Variants in LSM14A observed in about 807,000 individuals in gnomAD.
LSM14A encodes LSM14A mRNA processing body assembly factor.
LSM14A carries 14 observed loss-of-function variants against 52.4 expected under a neutral mutation model. The ratio of observed to expected loss-of-function variants is 0.27; its 90% CI spans 0.18 to 0.42. The LOEUF (loss-of-function observed/expected upper bound fraction) is 0.42, where lower values mean the gene tolerates loss of function less well. LSM14A is among the 10% of genes least tolerant of loss of function. The pLI is 1.00. For missense variants in LSM14A, 417 were observed against 581.8 expected, an observed-to-expected ratio of 0.72 and a Z score of 2.91; for synonymous variants, 185 against 200.3, an observed-to-expected ratio of 0.92 and a Z score of 0.64.
chr19:34,205,166 A>G (rs1017139117), intron 3 of LSM14A, among the ~76,000 whole-genome samples: 7 of 151,840 alleles, frequency 4.6e-5, no homozygotes, highest in African/African-American at 1.7e-4. Context: ...AATTTTTAAA[A>G]TCAGTGCTTT....
At chr19:34,197,981 A>G (rs908745265) in intron 3 of LSM14A, among the ~76,000 whole-genome samples, 1 of 151,744 alleles carries the variant, frequency 6.6e-6, no homozygotes, top group Non-Finnish European at 1.5e-5. Flanking sequence ...TTTTATAGCT[A>G]TGCATTTTAG....
In LSM14A at chr19:34,215,673, G is replaced by A; in HGVS notation, c.781+12G>A. On this transcript the variant is annotated intron_variant, in intron 6 of 9. Transcript: ENST00000544216. ...CAAGAGACAAGTAGGTAAGTTCTTG[G>A]ATCTAAAAGTCATATTCTATGCTTC... 1 of 1,576,134 alleles carries A rather than the reference G, an allele frequency of 6.3e-7. No individual in the cohort carries two copies. Among genetic ancestry groups the A allele is most frequent in the Non-Finnish European group, 8.7e-7 (1 of 1,146,308 alleles).
chr19:34,174,937 T>C (rs1485293675), intron 1 of LSM14A, among the ~76,000 whole-genome samples: 1 of 152,228 alleles, frequency 6.6e-6, no homozygotes, highest in Non-Finnish European at 1.5e-5. Context: ...TAAAGTATTT[T>C]TGTTCTTTTT....
At chr19:34,192,310 C>CT (rs1568479681) in intron 1 of LSM14A, among the ~76,000 whole-genome samples, 4 of 51,648 alleles carry the variant, frequency 7.7e-5, no homozygotes, top group South Asian at 4.8e-4. Context: ...AAATAACATT[C>CT]TTTTTGTTGT....
intron 9 of LSM14A, among the ~76,000 whole-genome samples, chr19:34,226,769 T>G (rs670286): frequency 0.63 from 96,361 of 151,924 alleles, 31,732 homozygotes; most frequent in African/African-American, 0.77. Flanking sequence ...GGTCAGTCTC[T>G]CTGGAAATCT....
intron 1 of LSM14A, among the ~76,000 whole-genome samples, chr19:34,175,335 A>G (rs1259418709): frequency 2.0e-5 from 3 of 151,908 alleles, no homozygotes; most frequent in African/African-American, 7.3e-5. Flanking sequence ...AGTTCAAGCA[A>G]TTCTCCTGCC....
intron 6 of LSM14A, among the ~76,000 whole-genome samples, chr19:34,216,109 T>G (rs984648345): frequency 2.6e-5 from 4 of 152,170 alleles, no homozygotes; most frequent in African/African-American, 9.7e-5. Flanking sequence ...AATAAAAAGA[T>G]TTTTTAAAAT....
At chr19:34,189,516 T>A (rs542633215) in intron 1 of LSM14A, among the ~76,000 whole-genome samples, 1 of 152,274 alleles carries the variant, frequency 6.6e-6, no homozygotes, top group Non-Finnish European at 1.5e-5. Context: ...AGCTTAAAAC[T>A]CCAGTCACAT....
intron 1 of LSM14A, among the ~76,000 whole-genome samples, chr19:34,182,664 C>G (rs531616374): frequency 2.2e-5 from 3 of 139,182 alleles, no homozygotes; most frequent in Non-Finnish European, 3.1e-5. Flanking sequence ...GGTGAAACCC[C>G]GTCTCTACTA....
rs568355696 is a variant in LSM14A at position 34,206,271 on chromosome 19, T to C, written c.416-2658T>C. On this transcript the variant is annotated intron_variant, in intron 3 of 9. Coordinates refer to ENST00000544216, the MANE Select transcript of LSM14A (RefSeq NM_015578.4). ...CTGTAGTCCCAGTAACTCAGGAGGC[T>C]GATGCAGAAGGATCTCTTGAGCCCA... Among the ~76,000 whole-genome samples the C allele has an allele frequency of 2.6e-5, 4 of 152,290 alleles. No individual in the cohort carries two copies. In the South Asian group the frequency reaches 8.3e-4, roughly 32 times the overall value.
At chr19:34,210,039 A>G (rs910075128) in intron 4 of LSM14A, among the ~76,000 whole-genome samples, 20 of 151,740 alleles carry the variant, frequency 1.3e-4, no homozygotes, top group African/African-American at 4.6e-4. Flanking sequence ...ATTTTTATGC[A>G]CTTTAGAAAT....
rs555931886 is a variant in LSM14A at position 34,196,651 on chromosome 19, G to A, written c.303G>A (p.Ser101=). ...PAIVQSSLGS[S]TSSFQSMGSY... ...TCCTTCAGTCCTCACTAGGCTCATC[G>A]ACTTCTTCATTCCAGTCCATGGGTT... is the stretch of plus-strand genomic sequence containing the variant. The change falls in exon 3 of 10, where the codon TCG becomes TCA. Residue 101 remains serine (S), a synonymous_variant. Coordinates refer to ENST00000544216, the MANE Select transcript of LSM14A (RefSeq NM_015578.4). 1.2e-5 allele frequency: 20 copies of A among 1,610,854 alleles called. No individual in the cohort carries two copies. Among genetic ancestry groups the A allele is most frequent in the Admixed American group, 1.2e-4 (7 of 59,374 alleles).
At chr19:34,192,217 A>G (rs145392347) in intron 1 of LSM14A, among the ~76,000 whole-genome samples, 2 of 150,950 alleles carry the variant, frequency 1.3e-5, no homozygotes, top group Non-Finnish European at 3.0e-5. Flanking sequence ...CTGCCAAACT[A>G]CCTGTGCCAC....
intron 6 of LSM14A, among the ~76,000 whole-genome samples, chr19:34,217,515 G>T (rs980953623): frequency 6.9e-6 from 1 of 144,630 alleles, no homozygotes; most frequent in Non-Finnish European, 1.5e-5. Flanking sequence ...ATTGAAAAAT[G>T]ATCTTTCACT....
chr19:34,182,863 A>C (rs2069594502), intron 1 of LSM14A, among the ~76,000 whole-genome samples: 1 of 146,084 alleles, frequency 6.8e-6, no homozygotes. Context: ...AAAAGAGTCA[A>C]CTCTCTTTAA....
chr19:34,212,119 G>T (rs1039043601), intron 4 of LSM14A, among the ~76,000 whole-genome samples: 1 of 152,066 alleles, frequency 6.6e-6, no homozygotes. Context: ...AGTTCAAGAT[G>T]GAAGCCAGGG....
Position 34,209,042 on chromosome 19 carries a change from T to C in LSM14A, c.529T>C (p.Leu177=). The change falls in exon 4 of 10, where the codon TTA becomes CTA. Residue 177 remains leucine, a synonymous_variant. Transcript: ENST00000544216. ...GGATACAAGATCTCTAAAAACACAGTTATCTCAAGGTAAGCTATCTCATCC... is the reference window on the plus strand; with the variant it reads ...GGATACAAGATCTCTAAAAACACAGCTATCTCAAGGTAAGCTATCTCATCC... ...TQDTRSLKTQ[L]SQGRSSPQLD... The C allele has an allele frequency of 6.3e-7, 1 of 1,575,004 alleles. No individual in the cohort carries two copies. Among genetic ancestry groups the C allele is most frequent in the Non-Finnish European group, 8.6e-7 (1 of 1,158,552 alleles).
intron 1 of LSM14A, among the ~76,000 whole-genome samples, chr19:34,188,568 C>G (rs1475765259): frequency 6.6e-6 from 1 of 152,184 alleles, no homozygotes; most frequent in East Asian, 1.9e-4. Context: ...TCAAAACTTT[C>G]CATCATCCTA....
intron 1 of LSM14A, among the ~76,000 whole-genome samples, chr19:34,174,341 G>T (rs1030813671): frequency 1.3e-5 from 2 of 152,236 alleles, no homozygotes; most frequent in African/African-American, 4.8e-5. Flanking sequence ...CACCATAAAG[G>T]AGTAGTATGA....
Sources: gnomAD v4.1 joint callset for allele counts (sites outside exome capture counted in the v4.1 genomes callset) on GRCh38, gnomAD v4.1.1 for gene constraint, MANE v1.5 for transcripts, NCBI Gene and HGNC (gene_info 2026-07-23, HGNC 2026-07-21) for gene names.